Variants in SYT9 observed in about 807,000 individuals in gnomAD.
The protein encoded by SYT9 is synaptotagmin-9.
SYT9 carries 22 observed loss-of-function variants against 48.4 expected under a neutral mutation model. That is an observed-to-expected ratio of 0.45 (90% CI 0.32 to 0.65). The LOEUF is 0.65. Among genes scored for constraint, SYT9 ranks in the 30% least tolerant of loss-of-function variants. The pLI is 0.03. For missense variants in SYT9, 577 were observed against 622.0 expected (o/e 0.93, Z 0.77); for synonymous variants, 265 against 245.0 (o/e 1.08, Z -0.76).
chr11:7,380,993 A>T (rs1226279644), intron 3 of SYT9, among the ~76,000 whole-genome samples: 1 of 152,280 alleles, frequency 6.6e-6, no homozygotes, highest in Admixed American at 6.5e-5. Context: ...CTAGTGTGCC[A>T]TACCGAAATT....
chr11:7,336,586 T>C (rs1849634677), intron 3 of SYT9, among the ~76,000 whole-genome samples: 1 of 152,226 alleles, frequency 6.6e-6, no homozygotes, highest in African/African-American at 2.4e-5. Flanking sequence ...GCACCATTTA[T>C]TGAATAGGCA....
At chr11:7,385,459 G>A (rs1589988455) in intron 3 of SYT9, among the ~76,000 whole-genome samples, 3 of 151,856 alleles carry the variant, frequency 2.0e-5, no homozygotes, top group Admixed American at 2.0e-4. Flanking sequence ...TCTTTCTATA[G>A]AGGACAACAT....
intron 1 of SYT9, among the ~76,000 whole-genome samples, chr11:7,265,668 CTTT>C (rs386353084): frequency 0.014 from 2,037 of 145,004 alleles, 38 homozygotes; most frequent in African/African-American, 0.045. Flanking sequence ...ATCATGGATT[CTTT>C]TTTTTTTTTT....
In SYT9 at chr11:7,368,527, C is replaced by A. The variant is rs184055074; in HGVS notation, c.1045-47515C>A. Among the ~76,000 whole-genome samples, 502 of 152,220 alleles carry A rather than the reference C, an allele frequency of 3.3e-3. 7 individuals are homozygous for A. Among genetic ancestry groups the A allele is most frequent in the African/African-American group, 9.4e-3 (390 of 41,516 alleles). On this transcript the variant is annotated intron_variant, in intron 3 of 6. Transcript: ENST00000318881. ...GCTCTCCCTCCCCTTGCCCCCATCC[C>A]CTGACAGGCCCTGGTGTGTGATATT...
intron 4 of SYT9, 118 bp downstream of exon 4, chr11:7,416,280 C>A: frequency 8.0e-7 from 1 of 1,249,182 alleles, no homozygotes; most frequent in Non-Finnish European, 1.1e-6. Context: ...TAGGCTTAGC[C>A]CTAGTCCTAA....
At chr11:7,454,260 T>C in intron 6 of SYT9, 14 of 985,396 alleles carry the variant, frequency 1.4e-5, no homozygotes, top group Non-Finnish European at 1.6e-5. Context: ...CTTCCTCCCA[T>C]TTGTCTCTGC....
chr11:7,281,678 A>G (rs1287846318), intron 1 of SYT9, among the ~76,000 whole-genome samples: 2 of 152,240 alleles, frequency 1.3e-5, no homozygotes, highest in African/African-American at 4.8e-5. Context: ...TATCTGCCAC[A>G]TAGAAAGATA....
In SYT9 at chr11:7,319,236, G is replaced by A. The variant is rs1280516181; in HGVS notation, c.1044+5295G>A. 1.5e-4 allele frequency among the ~76,000 whole-genome samples: 14 copies of A among 96,288 alleles called. 1 individual carries two copies. Among genetic ancestry groups the A allele is most frequent in the East Asian group, 7.3e-4 (2 of 2,734 alleles). The allele number at this position is 96,288 out of a possible 152,430, so 63.2% of individuals were successfully genotyped here. A position where few individuals can be genotyped will look rare whatever the true frequency, so the allele number is the denominator to read the frequency against. On this transcript the variant is annotated intron_variant, in intron 3 of 6. Transcript: ENST00000318881. The stretch of plus-strand genomic sequence containing the variant: ...TTTTGAGACTGAGTCTTGCTTTGTC[G>A]CCCAGGGCTATTTCTTGAGGTATCT...
chr11:7,384,203 C>G (rs1850616356), intron 3 of SYT9, among the ~76,000 whole-genome samples: 3 of 151,986 alleles, frequency 2.0e-5, no homozygotes, highest in Admixed American at 2.0e-4. Flanking sequence ...TATAGCTGAA[C>G]CATGTATGTC....
intron 1 of SYT9, among the ~76,000 whole-genome samples, chr11:7,243,747 T>C (rs1309981619): frequency 6.6e-6 from 1 of 152,240 alleles, no homozygotes; most frequent in Admixed American, 6.5e-5. Context: ...GGTTGGTTCA[T>C]TGGAATTCTT....
chr11:7,245,998 G>A (rs1456702916), intron 1 of SYT9, among the ~76,000 whole-genome samples: 5 of 152,020 alleles, frequency 3.3e-5, no homozygotes, highest in Non-Finnish European at 7.4e-5. Context: ...GGGAAACATT[G>A]ATAAAAACAT....
intron 1 of SYT9, among the ~76,000 whole-genome samples, chr11:7,263,385 T>C (rs1353082264): frequency 3.3e-5 from 5 of 152,202 alleles, no homozygotes; most frequent in African/African-American, 1.2e-4. Context: ...GCTCTCATAG[T>C]CTAGTCACTT....
chr11:7,313,184 T>C (rs539794218), intron 2 of SYT9, among the ~76,000 whole-genome samples: 1 of 152,316 alleles, frequency 6.6e-6, no homozygotes, highest in African/African-American at 2.4e-5. Flanking sequence ...CATTTCCTGA[T>C]ACCAAGCCTC....
At chr11:7,378,270 A>T (rs150064578) in intron 3 of SYT9, among the ~76,000 whole-genome samples, 115 of 152,238 alleles carry the variant, frequency 7.6e-4, no homozygotes, top group Non-Finnish European at 1.1e-3. Flanking sequence ...TGAGTATGTT[A>T]GGAGAAAGAA....
chr11:7,424,039 A>G (rs1847405828), intron 6 of SYT9, among the ~76,000 whole-genome samples: 1 of 152,132 alleles, frequency 6.6e-6, no homozygotes, highest in African/African-American at 2.4e-5. Flanking sequence ...GGGATTTAGC[A>G]TGGAGGGAGG....
At chr11:7,454,042 C>T (rs1564909700) in intron 6 of SYT9, 3 of 985,418 alleles carry the variant, frequency 3.0e-6, no homozygotes, top group Non-Finnish European at 3.6e-6. Context: ...AGCTTCCCCA[C>T]AGGGCAGGAT....
chr11:7,467,621 T>C lies in SYT9; in HGVS notation c.*821T>C, dbSNP rs1350978187. The C allele has an allele frequency of 6.6e-6, 1 of 152,216 alleles. No individual in the cohort carries two copies. Among genetic ancestry groups the C allele is most frequent in the Non-Finnish European group, 1.5e-5 (1 of 68,052 alleles). 9.4% of individuals were successfully genotyped at this position (152,216 alleles called of 1,614,324 possible). A position where few individuals can be genotyped will look rare whatever the true frequency, so the allele number is the denominator to read the frequency against. Reference sequence around the variant, plus strand: ...TCTCAGTGGCATGAGCATTGTGGAATATCCTTTCCTAGGCACATTCGTCCA... The same window carrying C: ...TCTCAGTGGCATGAGCATTGTGGAACATCCTTTCCTAGGCACATTCGTCCA... On this transcript the variant is annotated 3_prime_UTR_variant, in exon 7 of 7. Coordinates refer to ENST00000318881, the MANE Select transcript of SYT9 (RefSeq NM_175733.4).
intron 6 of SYT9, chr11:7,457,513 T>C (rs1003334888): frequency 6.6e-6 from 1 of 152,220 alleles, no homozygotes; most frequent in Non-Finnish European, 1.5e-5. Context: ...TTGGACAGAA[T>C]TTCAATTTCT....
At chr11:7,422,601 C>A (rs754570054) in intron 6 of SYT9, among the ~76,000 whole-genome samples, 2 of 152,166 alleles carry the variant, frequency 1.3e-5, no homozygotes, top group Non-Finnish European at 2.9e-5. Flanking sequence ...CCATTGCTGA[C>A]TTTAATTCTT....
Sources: allele counts gnomAD v4.1 joint callset (sites outside exome capture counted in the v4.1 genomes callset), GRCh38; gene constraint gnomAD v4.1.1; transcripts MANE v1.5; gene names NCBI Gene and HGNC (gene_info 2026-07-23, HGNC 2026-07-21).